The following PTPN3 variants were observed in gnomAD, a reference collection of about 807,000 sequenced individuals.
PTPN3 encodes the protein protein tyrosine phosphatase non-receptor type 3, also known as tyrosine-protein phosphatase non-receptor type 3.
PTPN3 carries 96 observed loss-of-function variants against 132.7 expected under a neutral mutation model. The ratio of observed to expected loss-of-function variants is 0.72; its 90% CI spans 0.61 to 0.86. PTPN3 has a LOEUF of 0.86. Ranked by LOEUF, PTPN3 falls within the 40% of genes least tolerant of loss-of-function variation. The pLI is 0.00. For missense variants in PTPN3, 1,125 were observed against 1,159.6 expected, an observed-to-expected ratio of 0.97 and a Z score of 0.43; for synonymous variants, 398 against 429.0, an observed-to-expected ratio of 0.93 and a Z score of 0.89.
chr9:109,519,254 A>G, the PTPN3 span, among the ~76,000 whole-genome samples: 1,224 of 152,356 alleles, frequency 8.0e-3, 11 homozygotes, highest in South Asian at 0.018. Flanking sequence ...AAAGCAATAC[A>G]CATTCAGCTG....
intron 1 of PTPN3, among the ~76,000 whole-genome samples, chr9:109,472,037 TG>T (rs1407326307): frequency 1.3e-5 from 2 of 152,230 alleles, no homozygotes. Context: ...GCTTGGCAGC[TG>T]TCCCATCACT....
chr9:109,486,903 T>C (rs1182022191), intron 1 of PTPN3, among the ~76,000 whole-genome samples: 1 of 152,190 alleles, frequency 6.6e-6, no homozygotes, highest in East Asian at 1.9e-4. Context: ...TTCTCCTTGC[T>C]GCTGCTGTGT....
Position 109,386,762 on chromosome 9 carries a change from C to T in PTPN3, c.2253+2471G>A, listed in dbSNP as rs141504248. Among the ~76,000 whole-genome samples the T allele has an allele frequency of 1.3e-3, 201 of 152,242 alleles. 2 individuals carry two copies. The highest frequency in any genetic ancestry group is 4.5e-3 in the African/African-American group (189 of 41,542). On this transcript the variant is annotated intron_variant, in intron 22 of 25. Coordinates refer to ENST00000374541, the MANE Select transcript of PTPN3 (RefSeq NM_002829.4). ...TCAAGGTGAGACTTTACGTGGTGCA[C>T]CTGAGAAGCCACCAGAGGGTTTGAG...
rs1435979052 is a variant in PTPN3, at chr9:109,376,966, T to C, written c.*2590A>G. ...CAACCTTTGGTAGGCTTTTTAGAAA[T>C]TTATGTGACCGTAATGGCTGCATTT... On this transcript the variant is annotated 3_prime_UTR_variant, in exon 26 of 26. Coordinates refer to ENST00000374541, the MANE Select transcript of PTPN3 (RefSeq NM_002829.4). 1.3e-5 allele frequency: 2 copies of C among 152,126 alleles called. No individual in the cohort carries two copies. The highest frequency in any genetic ancestry group is 3.8e-4 in the East Asian group (2 of 5,196). 9.4% of individuals were successfully genotyped at this position (152,126 alleles called of 1,614,324 possible).
At chr9:109,533,935 T>A in the PTPN3 span, 11 of 752,292 alleles carry the variant, frequency 1.5e-5, 1 homozygote, top group South Asian at 7.5e-5. Flanking sequence ...TGCCTTGAAC[T>A]GGAACACCAC....
At chr9:109,431,920 AG>A (rs1387305209) in intron 10 of PTPN3, among the ~76,000 whole-genome samples, 1 of 151,970 alleles carries the variant, frequency 6.6e-6, no homozygotes, top group Admixed American at 6.6e-5. Flanking sequence ...AGTTTAAAGG[AG>A]ATAAATCAAA....
the PTPN3 span, among the ~76,000 whole-genome samples, chr9:109,516,402 C>G: frequency 1.3e-5 from 2 of 152,114 alleles, no homozygotes; most frequent in African/African-American, 4.8e-5. Context: ...CTTTCAAGGA[C>G]AAGATGATAC....
Position 109,426,953 on chromosome 9 carries a change from T to C in PTPN3, c.998A>G (p.Lys333Arg). The C allele has an allele frequency of 6.2e-7, 1 of 1,610,252 alleles. No individual in the cohort carries two copies. Among genetic ancestry groups the C allele is most frequent in the Non-Finnish European group, 8.5e-7 (1 of 1,176,684 alleles). Residue 333 changes from lysine to arginine, a missense_variant, in exon 12 of 26, where the codon AAA becomes AGA. Coordinates refer to ENST00000374541, the MANE Select transcript of PTPN3 (RefSeq NM_002829.4). The part of the protein sequence containing the change: ...QYWTMGSRNT[K>R]KSVNNQYCKK... ...ACAGTCTTTACAGCACACTCACTTT[T>C]TGGTGTTCCGAGAGCCCATAGTCCA...
At chr9:109,395,716 G>A (rs533645029) in intron 19 of PTPN3, among the ~76,000 whole-genome samples, 93 of 152,164 alleles carry the variant, frequency 6.1e-4, no homozygotes, top group Middle Eastern at 6.8e-3. Flanking sequence ...GAGCCTGGGA[G>A]GTGGAGGTTG....
intron 12 of PTPN3, 33 bp from the exon 13 acceptor site, chr9:109,422,885 C>T: frequency 1.2e-6 from 2 of 1,603,538 alleles, no homozygotes; most frequent in Non-Finnish European, 1.7e-6. Flanking sequence ...ACTTTCTACA[C>T]TGACGTTCAA....
intron 7 of PTPN3, among the ~76,000 whole-genome samples, chr9:109,444,124 T>A (rs10816812): frequency 0.39 from 58,735 of 152,032 alleles, 12,072 homozygotes; most frequent in African/African-American, 0.52. Flanking sequence ...TGCTGCCTTA[T>A]CTATCTATCA....
intron 19 of PTPN3, among the ~76,000 whole-genome samples, chr9:109,403,837 C>G (rs1196308245): frequency 1.3e-5 from 2 of 152,142 alleles, no homozygotes; most frequent in East Asian, 1.9e-4. Context: ...CTGTGTGTAC[C>G]TTTGTCAACA....
At chr9:109,447,799 C>T (rs1361152650) in intron 6 of PTPN3, among the ~76,000 whole-genome samples, 1 of 152,214 alleles carries the variant, frequency 6.6e-6, no homozygotes, top group Non-Finnish European at 1.5e-5. Flanking sequence ...GTGGATATGG[C>T]TCTTGCCACA....
chr9:109,469,447 C>T (rs991314361), intron 1 of PTPN3, among the ~76,000 whole-genome samples: 5 of 152,054 alleles, frequency 3.3e-5, no homozygotes, highest in African/African-American at 7.2e-5. Context: ...GGTGAAACCC[C>T]GTCTCTACTA....
At chr9:109,533,371 C>T in the PTPN3 span, 5 of 648,230 alleles carry the variant, frequency 7.7e-6, no homozygotes, top group East Asian at 3.4e-5. Flanking sequence ...GTCTCGAATT[C>T]CTGACCCCAG....
At chr9:109,449,352 A>G in intron 5 of PTPN3, 1 of 986,764 alleles carries the variant, frequency 1.0e-6, no homozygotes, top group Non-Finnish European at 1.2e-6. Context: ...TGGCTGGGGT[A>G]CAAACCCCCA....
intron 12 of PTPN3, among the ~76,000 whole-genome samples, chr9:109,423,914 A>G (rs906926611): frequency 6.6e-6 from 1 of 152,238 alleles, no homozygotes; most frequent in Non-Finnish European, 1.5e-5. Context: ...AAACAAAAGA[A>G]CATAAACAAT....
At chr9:109,434,308 A>G (rs1306094489) in intron 9 of PTPN3, among the ~76,000 whole-genome samples, 2 of 143,318 alleles carry the variant, frequency 1.4e-5, no homozygotes, top group Non-Finnish European at 3.0e-5. Flanking sequence ...ACGCCCAGCT[A>G]ATTTTTCATA....
chr9:109,485,850 C>T (rs1167730345), intron 1 of PTPN3, among the ~76,000 whole-genome samples: 2 of 152,238 alleles, frequency 1.3e-5, no homozygotes, highest in East Asian at 3.8e-4. Context: ...TCCCATACAC[C>T]TATTCACCTG....
Sources: gnomAD v4.1 joint callset for allele counts (sites outside exome capture counted in the v4.1 genomes callset) on GRCh38, gnomAD v4.1.1 for gene constraint, MANE v1.5 for transcripts, NCBI Gene and HGNC (gene_info 2026-07-23, HGNC 2026-07-21) for gene names.